BRPF3: variants seen among roughly 807,000 people sequenced by gnomAD.
BRPF3 encodes bromodomain and PHD finger-containing protein 3.
BRPF3 carries 18 observed loss-of-function variants against 102.0 expected under a neutral mutation model. The observed-to-expected ratio is 0.18, with a 90% CI of 0.12 to 0.26. The LOEUF is 0.26. Among genes scored for constraint, BRPF3 ranks in the 10% least tolerant of loss-of-function variants. The pLI is 1.00. For synonymous variants in BRPF3, 570 were observed against 614.2 expected, an observed-to-expected ratio of 0.93 and a Z score of 1.06; for missense variants, 1,147 against 1,567.8, an observed-to-expected ratio of 0.73 and a Z score of 4.53.
Position 36,201,057 on chromosome 6 carries a change from C to T in BRPF3, c.735C>T (p.Gly245=). Residue 245 remains glycine, a synonymous_variant, in exon 2 of 13, where the codon GGC becomes GGT. Transcript: ENST00000357641. The surrounding 1 kb of genome is among the most constrained non-coding windows in gnomAD (Gnocchi z 5.1). ...CNLAVHQECY[G]VPYIPEGQWL... is the part of the protein sequence containing the mutation. Reference sequence around the variant, plus strand: ...TGGCTGTACACCAGGAGTGCTATGGCGTCCCATACATCCCTGAGGGCCAGT... The same window carrying T: ...TGGCTGTACACCAGGAGTGCTATGGTGTCCCATACATCCCTGAGGGCCAGT... The T allele has an allele frequency of 8.7e-6, 14 of 1,614,090 alleles. No individual in the cohort carries two copies. The highest frequency in any genetic ancestry group is 7.6e-6 in the Non-Finnish European group (9 of 1,180,022).
chr6:36,218,739 G>A (rs540786426), intron 9 of BRPF3, among the ~76,000 whole-genome samples: 13 of 152,266 alleles, frequency 8.5e-5, no homozygotes, highest in Admixed American at 3.9e-4. Flanking sequence ...AATTACAGGC[G>A]TGAGCCACTG....
At position 36,201,012 on chromosome 6, in the gene BRPF3, C is replaced by T. The variant is rs375381508; in HGVS notation, c.690C>T (p.Leu230=). The T allele has an allele frequency of 4.3e-6, 7 of 1,614,148 alleles. No homozygotes were observed. Among genetic ancestry groups the T allele is most frequent in the African/African-American group, 2.7e-5 (2 of 75,030 alleles). Residue 230 remains leucine, a synonymous_variant, in exon 2 of 13, where the codon CTC becomes CTT. Transcript: ENST00000357641. This position sits in a 1 kb window ranked among gnomAD's most constrained non-coding sequence, Gnocchi z 5.1. Reference sequence around the variant, plus strand: ...AATGTCACAATAGCAATGTTATTCTCTTCTGTGACATCTGCAACCTGGCTG... The same window carrying T: ...AATGTCACAATAGCAATGTTATTCTTTTCTGTGACATCTGCAACCTGGCTG... ...DDECHNSNVI[L]FCDICNLAVH...
rs779743314 is a variant in BRPF3, at chr6:36,225,286, C to T, written c.3201C>T (p.Pro1067=). ...CCCCAGGCAGAAGCCTCCTGCTGCCCTTTGAAGACCGCGGAGACCTGGAGC... is the reference window on the plus strand; with the variant it reads ...CCCCAGGCAGAAGCCTCCTGCTGCCTTTTGAAGACCGCGGAGACCTGGAGC... ...YNGSGRSLLL[P]FEDRGDLEPL... The change falls in exon 11 of 13, where the codon CCC becomes CCT. Residue 1067 remains proline (P), a synonymous_variant. Coordinates refer to ENST00000357641, the MANE Select transcript of BRPF3 (RefSeq NM_015695.3). The T allele has an allele frequency of 4.4e-6, 7 of 1,609,166 alleles. No individual in the cohort carries two copies. Among genetic ancestry groups the T allele is most frequent in the Non-Finnish European group, 5.1e-6 (6 of 1,179,998 alleles).
In BRPF3 at chr6:36,204,779, C is replaced by T; in HGVS notation, c.1570C>T (p.His524Tyr). 1 of 1,614,234 alleles carries T rather than the reference C, an allele frequency of 6.2e-7. No homozygotes were observed. The highest frequency in any genetic ancestry group is 8.5e-7 in the Non-Finnish European group (1 of 1,180,032). The change falls in exon 3 of 13, where the codon CAC (histidine) becomes TAC (tyrosine). Residue 524 changes from histidine (H) to tyrosine (Y), a missense_variant. Around this residue, in one of 11 missense-constraint regions of BRPF3, gnomAD observed 37 missense variants for 33.3 expected, o/e 1.11. Coordinates refer to ENST00000357641, the MANE Select transcript of BRPF3 (RefSeq NM_015695.3). ...RNGVPLIRRL[H>Y]SHLQSQRNAE... ...TGGTGTCCCTCTTATCCGGCGCTTG[C>T]ACTCCCATCTGCAGTCCCAAAGAAA...
In BRPF3 at chr6:36,231,634, G is replaced by T. The variant is rs1014396135; in HGVS notation, c.*1025G>T. On this transcript the variant is annotated 3_prime_UTR_variant, in exon 13 of 13. Coordinates refer to ENST00000357641, the MANE Select transcript of BRPF3 (RefSeq NM_015695.3). Reference sequence around the variant, plus strand: ...AAGCTTCACTCTCCACCACCTGGATGGCATGGCGCCTGCCACCAAACATCT... The same window carrying T: ...AAGCTTCACTCTCCACCACCTGGATTGCATGGCGCCTGCCACCAAACATCT... 2.6e-5 allele frequency: 4 copies of T among 152,286 alleles called. No individual in the cohort carries two copies. The highest frequency in any genetic ancestry group is 9.7e-5 in the African/African-American group (4 of 41,374). 9.4% of individuals were successfully genotyped at this position (152,286 alleles called of 1,614,324 possible). A position where few individuals can be genotyped will look rare whatever the true frequency, so the allele number is the denominator to read the frequency against.
intron 3 of BRPF3, 147 bp from the exon 4 acceptor site, chr6:36,207,166 G>A (rs1767933972): frequency 2.2e-6 from 2 of 920,414 alleles, no homozygotes; most frequent in South Asian, 1.8e-5. Flanking sequence ...AGGAAGGCAT[G>A]GGGTAGAGAG....
intron 3 of BRPF3, among the ~76,000 whole-genome samples, 167 bp from the exon 4 acceptor site, chr6:36,207,146 G>T (rs1767933315): frequency 2.6e-5 from 4 of 152,158 alleles, no homozygotes; most frequent in Admixed American, 1.3e-4. Flanking sequence ...TAATACTGGG[G>T]CAGCTCAGGA....
rs1171369190 is a variant in BRPF3, at chr6:36,216,123, C to T, written c.2989+1737C>T. ...CCCCAATTTCTTACTAGCTGTGTAA[C>T]GACAGGAAAATTAATTAACTTCTCT... On this transcript the variant is annotated intron_variant, in intron 8 of 12. Coordinates refer to ENST00000357641, the MANE Select transcript of BRPF3 (RefSeq NM_015695.3). Among the ~76,000 whole-genome samples the T allele has an allele frequency of 6.6e-5, 10 of 152,076 alleles. 1 individual carries two copies. The East Asian group carries it at 1.2e-3, about 18-fold the overall frequency.
At chr6:36,206,837 C>T (rs188884155) in intron 3 of BRPF3, among the ~76,000 whole-genome samples, 27 of 152,300 alleles carry the variant, frequency 1.8e-4, no homozygotes, top group African/African-American at 5.8e-4. Context: ...GCTTCAAGCT[C>T]TAGGTCTCTT....
At chr6:36,197,064 G>C (rs1356870190) in intron 1 of BRPF3, 94 bp downstream of exon 1, 2 of 152,246 alleles carry the variant, frequency 1.3e-5, no homozygotes, top group South Asian at 2.1e-4. Context: ...CCGGAGAAGC[G>C]GGGGGCTTTC....
rs769761107 is a variant in BRPF3, at chr6:36,200,562, C to T, written c.240C>T (p.Asn80=). The T allele has an allele frequency of 1.9e-6, 3 of 1,614,078 alleles. No individual in the cohort carries two copies. Among genetic ancestry groups the T allele is most frequent in the Non-Finnish European group, 2.5e-6 (3 of 1,180,048 alleles). ...DITECNSNKE[N]SEQPQFPGKS... Reference sequence around the variant, plus strand: ...CCGAATGCAATAGTAACAAGGAAAACAGTGAACAGCCTCAGTTCCCTGGCA... The same window carrying T: ...CCGAATGCAATAGTAACAAGGAAAATAGTGAACAGCCTCAGTTCCCTGGCA... Residue 80 remains asparagine (N), a synonymous_variant, in exon 2 of 13, where the codon AAC becomes AAT. Coordinates refer to ENST00000357641, the MANE Select transcript of BRPF3 (RefSeq NM_015695.3). The surrounding 1 kb of genome is among the most constrained non-coding windows in gnomAD (Gnocchi z 5.3).
chr6:36,217,845 C>T, intron 8 of BRPF3, 72 bp from the exon 9 acceptor site: 1 of 1,360,792 alleles, frequency 7.3e-7, no homozygotes. Flanking sequence ...CCTGAGGTGG[C>T]TGCCTCACCC....
chr6:36,200,664 C>T lies in BRPF3; in HGVS notation c.342C>T (p.Leu114=). ...ATGCATCTGGTACTTCCTTCCACCTCCCACAGCCCAGCTTCCGTATGGTGG... is the reference window on the plus strand; with the variant it reads ...ATGCATCTGGTACTTCCTTCCACCTTCCACAGCCCAGCTTCCGTATGGTGG... ...SKHASGTSFH[L]PQPSFRMVDS... is the part of the protein sequence containing the mutation. Residue 114 remains leucine, a synonymous_variant, in exon 2 of 13, where the codon CTC becomes CTT. Coordinates refer to ENST00000357641, the MANE Select transcript of BRPF3 (RefSeq NM_015695.3). This position sits in a 1 kb window ranked among gnomAD's most constrained non-coding sequence, Gnocchi z 5.3. 6.2e-7 allele frequency: 1 copy of T among 1,614,222 alleles called. No individual in the cohort carries two copies.
rs114964431 is a variant in BRPF3, at chr6:36,209,692, G to A, written c.1738-95G>A. 4.2e-3 allele frequency: 6,248 copies of A among 1,486,732 alleles called. 55 individuals carry two copies. Among genetic ancestry groups the A allele is most frequent in the African/African-American group, 0.03 (2,168 of 71,568 alleles). 92.1% of individuals were successfully genotyped at this position (1,486,732 alleles called of 1,614,324 possible). A position where few individuals can be genotyped will look rare whatever the true frequency, so the allele number is the denominator to read the frequency against. ...GCTTAATATTCTATGAAAATTTGTT[G>A]TACAAGATTGGTAAAAGTCAAACTA... is the stretch of plus-strand genomic sequence containing the variant. On this transcript the variant is annotated intron_variant, in intron 4 of 12. Transcript: ENST00000357641.
chr6:36,205,506 C>T (rs933970349), intron 3 of BRPF3, among the ~76,000 whole-genome samples: 1 of 152,164 alleles, frequency 6.6e-6, no homozygotes, highest in African/African-American at 2.4e-5. Flanking sequence ...GTATCTGGCC[C>T]GCCTTGAACC....
chr6:36,201,352 T>G lies in BRPF3; in HGVS notation c.1030T>G (p.Cys344Gly). 6.2e-7 allele frequency: 1 copy of G among 1,614,164 alleles called. No homozygotes were observed. Among genetic ancestry groups the G allele is most frequent in the Non-Finnish European group, 8.5e-7 (1 of 1,180,010 alleles). ...GAAIQCHKVN[C>G]YTAFHVTCAQ... ...AGCCATCCAGTGCCATAAGGTGAAC[T>G]GCTACACAGCATTCCATGTGACATG... Residue 344 changes from cysteine to glycine, a missense_variant, in exon 2 of 13, where the codon TGC becomes GGC. By Grantham distance (159) the Cys-to-Gly change is radical. Around this residue, in one of 11 missense-constraint regions of BRPF3, gnomAD observed 44 missense variants for 101.4 expected, o/e 0.43. Transcript: ENST00000357641. This position sits in a 1 kb window ranked among gnomAD's most constrained non-coding sequence, Gnocchi z 5.1.
At chr6:36,211,059 T>C (rs17715809) in intron 6 of BRPF3, 199 bp from the exon 7 acceptor site, 53,818 of 625,446 alleles carry the variant, frequency 0.086, 2,974 homozygotes, top group Non-Finnish European at 0.11. Flanking sequence ...CTGCAGACGT[T>C]TCCCAGATTC....
At chr6:36,212,347 T>G (rs866322479) in intron 7 of BRPF3, among the ~76,000 whole-genome samples, 4 of 152,220 alleles carry the variant, frequency 2.6e-5, no homozygotes, top group South Asian at 4.1e-4. Flanking sequence ...GGCTGGAAGT[T>G]ACTTCCAATG....
chr6:36,230,484 C>T lies in BRPF3; in HGVS notation c.3493C>T (p.Leu1165Phe). Reference sequence around the variant, plus strand: ...GGGTGTGGAAGACACCGTGGACAAGCTCAAGATGCTGGAAGGCCGCAAGAC... The same window carrying T: ...GGGTGTGGAAGACACCGTGGACAAGTTCAAGATGCTGGAAGGCCGCAAGAC... ...PLGVEDTVDK[L>F]KMLEGRKTSI... Residue 1165 changes from leucine to phenylalanine, a missense_variant, in exon 13 of 13, where the codon CTC becomes TTC. Coordinates refer to ENST00000357641, the MANE Select transcript of BRPF3 (RefSeq NM_015695.3). The surrounding 1 kb of genome is among the most constrained non-coding windows in gnomAD (Gnocchi z 5.4). 6.2e-7 allele frequency: 1 copy of T among 1,614,170 alleles called. No individual in the cohort carries two copies. The highest frequency in any genetic ancestry group is 1.3e-5 in the African/African-American group (1 of 75,030).
Sources: allele counts gnomAD v4.1 joint callset (sites outside exome capture counted in the v4.1 genomes callset), GRCh38; gene constraint gnomAD v4.1.1; regional missense constraint gnomAD v4.1.1; non-coding constraint Gnocchi (gnomAD v3.1); transcripts MANE v1.5; gene names NCBI Gene and HGNC (gene_info 2026-07-23, HGNC 2026-07-21).